The following DLGAP2 variants were observed in gnomAD, a reference collection of about 807,000 sequenced individuals.
The protein encoded by DLGAP2 is disks large-associated protein 2.
In DLGAP2, 26 loss-of-function variants were observed where a neutral mutation model predicts 100.3. The observed-to-expected ratio is 0.26, with a 90% CI of 0.19 to 0.36. The LOEUF (loss-of-function observed/expected upper bound fraction) is 0.36, where lower values mean the gene tolerates loss of function less well. Among genes scored for constraint, DLGAP2 ranks in the 10% least tolerant of loss-of-function variants. The probability of loss-of-function intolerance (pLI) is 1.00; values close to 1 mark genes in which losing one functional copy is unlikely to be tolerated. For missense variants in DLGAP2, 1,858 were observed against 1,453.2 expected (o/e 1.28, Z -4.53); for synonymous variants, 886 against 630.1 (o/e 1.41, Z -6.08).
chr8:884,456 C>T (rs1797882238), intron 1 of DLGAP2, among the ~76,000 whole-genome samples: 1 of 151,324 alleles, frequency 6.6e-6, no homozygotes, highest in Non-Finnish European at 1.5e-5. Context: ...AATGTCTGTT[C>T]ATATCTTTTG....
intron 8 of DLGAP2, among the ~76,000 whole-genome samples, chr8:1,635,674 A>G (rs1414462214): frequency 6.6e-6 from 1 of 152,268 alleles, no homozygotes; most frequent in Non-Finnish European, 1.5e-5. Context: ...TACTTTATGC[A>G]GGCTCAAAAG....
chr8:1,303,875 A>G (rs138617571), intron 3 of DLGAP2, among the ~76,000 whole-genome samples: 26 of 152,328 alleles, frequency 1.7e-4, no homozygotes, highest in African/African-American at 6.3e-4. Context: ...GCCTCTGGCC[A>G]GAGCCTGGGA....
intron 3 of DLGAP2, among the ~76,000 whole-genome samples, chr8:1,344,805 G>A (rs1386145072): frequency 6.6e-6 from 1 of 152,214 alleles, no homozygotes; most frequent in Non-Finnish European, 1.5e-5. Flanking sequence ...GACTGGGCGT[G>A]TGTCTGACTC....
At chr8:1,524,291 G>T (rs113375429) in intron 4 of DLGAP2, among the ~76,000 whole-genome samples, 2 of 152,100 alleles carry the variant, frequency 1.3e-5, no homozygotes, top group African/African-American at 4.8e-5. Context: ...TTAGAAGGTT[G>T]TCTCTTTAGG....
At chr8:1,134,111 A>G (rs550704690) in intron 2 of DLGAP2, among the ~76,000 whole-genome samples, 2 of 151,774 alleles carry the variant, frequency 1.3e-5, no homozygotes, top group South Asian at 2.1e-4. Flanking sequence ...TTTTCTCTCC[A>G]TTAGTTCACT....
intron 3 of DLGAP2, among the ~76,000 whole-genome samples, chr8:1,345,606 T>C (rs1279091294): frequency 1.3e-5 from 2 of 152,242 alleles, no homozygotes; most frequent in African/African-American, 4.8e-5. Flanking sequence ...GTCATAGTCC[T>C]TCATGTGTGT....
At chr8:911,560 CAT>C (rs1378105927) in intron 2 of DLGAP2, among the ~76,000 whole-genome samples, 19 of 143,600 alleles carry the variant, frequency 1.3e-4, no homozygotes, top group South Asian at 6.7e-4. Flanking sequence ...GCATGTATAA[CAT>C]ATGTTGGAAG....
intron 3 of DLGAP2, among the ~76,000 whole-genome samples, chr8:1,303,131 C>T (rs868105040): frequency 7.2e-5 from 11 of 152,300 alleles, no homozygotes; most frequent in African/African-American, 2.4e-4. Context: ...GGCGCGGTGG[C>T]TCACGCCTGT....
rs185642033 is a variant in DLGAP2, at chr8:1,511,295, A to G, written c.172+9864A>G. On this transcript the variant is annotated intron_variant, in intron 4 of 14. Transcript: ENST00000637795. ...GACAATCAGTAGATGACCATCTACC[A>G]TGGACGTAAGGGCTGTCTAGTGTAG... 1.4e-3 allele frequency among the ~76,000 whole-genome samples: 218 copies of G among 151,388 alleles called. 1 individual carries two copies. The highest frequency in any genetic ancestry group is 4.7e-3 in the African/African-American group (193 of 41,104).
chr8:1,507,372 C>G (rs1283490058), intron 4 of DLGAP2, among the ~76,000 whole-genome samples: 1 of 152,216 alleles, frequency 6.6e-6, no homozygotes, highest in Non-Finnish European at 1.5e-5. Context: ...GGGGACCCAG[C>G]ACATCCTCCG....
intron 6 of DLGAP2, among the ~76,000 whole-genome samples, chr8:1,619,108 A>G (rs1260976881): frequency 1.3e-5 from 2 of 152,234 alleles, no homozygotes; most frequent in Non-Finnish European, 2.9e-5. Flanking sequence ...TGTCTGACAA[A>G]GGGCTTGAAT....
intron 1 of DLGAP2, among the ~76,000 whole-genome samples, chr8:884,357 A>G (rs1339122150): frequency 6.6e-6 from 1 of 152,092 alleles, no homozygotes; most frequent in Non-Finnish European, 1.5e-5. Flanking sequence ...ATGGTATCTC[A>G]TTGTGGTTTT....
chr8:1,540,619 C>T (rs901772090), intron 4 of DLGAP2, among the ~76,000 whole-genome samples: 5 of 152,210 alleles, frequency 3.3e-5, no homozygotes, highest in Non-Finnish European at 7.3e-5. Flanking sequence ...CTGCACAGCT[C>T]TGCTGCCTTG....
chr8:908,592 G>T (rs921740008), intron 2 of DLGAP2, among the ~76,000 whole-genome samples: 1 of 152,142 alleles, frequency 6.6e-6, no homozygotes, highest in African/African-American at 2.4e-5. Flanking sequence ...AAAAAACTTC[G>T]TTATCATTAC....
chr8:1,518,581 A>C (rs1320678448), intron 4 of DLGAP2, among the ~76,000 whole-genome samples: 1 of 152,170 alleles, frequency 6.6e-6, no homozygotes, highest in Admixed American at 6.5e-5. Context: ...TCAGCTAATA[A>C]ATGACCACGT....
At chr8:989,611 A>G (rs1345061402) in intron 2 of DLGAP2, among the ~76,000 whole-genome samples, 1 of 152,160 alleles carries the variant, frequency 6.6e-6, no homozygotes, top group Non-Finnish European at 1.5e-5. Context: ...AACTGTGTTG[A>G]AAGGTAGACA....
At position 1,548,816 on chromosome 8, in the gene DLGAP2, G is replaced by A; in HGVS notation, c.363G>A (p.Leu121=). 6.3e-7 allele frequency: 1 copy of A among 1,580,034 alleles called. No homozygotes were observed. The highest frequency in any genetic ancestry group is 8.6e-7 in the Non-Finnish European group (1 of 1,167,270). Residue 121 remains leucine, a synonymous_variant, in exon 5 of 15, where the codon CTG becomes CTA. Transcript: ENST00000637795. ...GGCCCGACGCGCGGCCGCCCTACCT[G>A]CTGAGCCCCGCCGACAGCTGCCCCG... ...HHGPDARPPY[L]LSPADSCPGG...
At chr8:1,511,542 C>T (rs575554281) in intron 4 of DLGAP2, among the ~76,000 whole-genome samples, 1 of 151,368 alleles carries the variant, frequency 6.6e-6, no homozygotes, top group African/African-American at 2.4e-5. Flanking sequence ...AATAGATGAC[C>T]ATCTTCCATG....
At chr8:1,410,242 A>G (rs1421919752) in intron 3 of DLGAP2, among the ~76,000 whole-genome samples, 2 of 152,172 alleles carry the variant, frequency 1.3e-5, no homozygotes, top group Non-Finnish European at 2.9e-5. Flanking sequence ...TCAGAGCAGA[A>G]TCTTTGCATT....
Sources: allele counts gnomAD v4.1 joint callset (sites outside exome capture counted in the v4.1 genomes callset), GRCh38; gene constraint gnomAD v4.1.1; transcripts MANE v1.5; gene names NCBI Gene and HGNC (gene_info 2026-07-23, HGNC 2026-07-21).